NPM2: variants seen among roughly 807,000 people sequenced by gnomAD.
NPM2 encodes nucleophosmin/nucleoplasmin 2, also known as nucleoplasmin-2.
A neutral mutation model predicts 32.0 loss-of-function variants in NPM2; 25 were observed. That is an observed-to-expected ratio of 0.78 (90% CI 0.57 to 1.09). The LOEUF (loss-of-function observed/expected upper bound fraction) is 1.09, where lower values mean the gene tolerates loss of function less well. Among genes scored for constraint, NPM2 ranks in the 50% least tolerant of loss-of-function variants. The pLI is 0.00. For synonymous variants in NPM2, 111 were observed against 94.2 expected, an observed-to-expected ratio of 1.18 and a Z score of -1.04; for missense variants, 282 against 259.9, an observed-to-expected ratio of 1.08 and a Z score of -0.58.
chr8:22,033,988 A>C, intron 6 of NPM2, 121 bp from the exon 7 acceptor site: 2 of 1,441,218 alleles, frequency 1.4e-6, no homozygotes, highest in South Asian at 3.0e-5. Context: ...ACCACTGTCA[A>C]CTCCAGGCTA....
intron 2 of NPM2, 119 bp downstream of exon 2, chr8:22,024,949 C>A (rs1376479859): frequency 9.3e-6 from 4 of 429,040 alleles, no homozygotes; most frequent in African/African-American, 2.1e-5. Context: ...GACCTCCCCG[C>A]GGCCTTTCAA....
chr8:22,025,609 C>T (rs1223318770), intron 4 of NPM2, 38 bp from the exon 5 acceptor site: 2 of 1,614,112 alleles, frequency 1.2e-6, no homozygotes, highest in East Asian at 2.2e-5. Context: ...CGTCGGCCCT[C>T]AGGGTGATGA....
chr8:22,025,573 C>A (rs747300646), intron 4 of NPM2, 52 bp downstream of exon 4: 5 of 1,613,256 alleles, frequency 3.1e-6, no homozygotes, highest in Non-Finnish European at 3.4e-6. Flanking sequence ...ACTTTCTGGT[C>A]CCAACGGAGG....
chr8:22,033,983 T>C, intron 6 of NPM2, 126 bp from the exon 7 acceptor site: 1 of 1,423,988 alleles, frequency 7.0e-7, no homozygotes, highest in Non-Finnish European at 9.3e-7. Context: ...AGGTAACCAC[T>C]GTCAACTCCA....
chr8:22,025,266 C>T lies in NPM2; in HGVS notation c.18C>T (p.Ala6=), dbSNP rs1563350042. 1 of 1,611,686 alleles carries T rather than the reference C, an allele frequency of 6.2e-7. No individual in the cohort carries two copies. Residue 6 remains alanine (A), a synonymous_variant, in exon 3 of 10, where the codon GCC becomes GCT. Transcript: ENST00000518119. MNLSS[A]SSTEEKAVTT... is the part of the protein sequence containing the mutation. ...CCGGAGCCATGAATCTCAGTAGCGCCAGTAGCACGGAGGAAAAGGCAGTGA... is the reference window on the plus strand; with the variant it reads ...CCGGAGCCATGAATCTCAGTAGCGCTAGTAGCACGGAGGAAAAGGCAGTGA...
chr8:22,034,825 C>T (rs927146408), intron 8 of NPM2, among the ~76,000 whole-genome samples: 12 of 152,280 alleles, frequency 7.9e-5, no homozygotes, highest in African/African-American at 2.9e-4. Flanking sequence ...ATGCTTCTCA[C>T]GGCCAGGCTT....
rs1800643582 is a variant in NPM2 at position 22,036,864 on chromosome 8, AC to A, written c.*184del. On this transcript the variant is annotated 3_prime_UTR_variant, in exon 10 of 10. Coordinates refer to ENST00000518119, the MANE Select transcript of NPM2 (RefSeq NM_001286680.2). ...CAGGAGGCCCCCAGTGAAGAGCCCC[AC>A]CTCGGGGTCACAATAAAGTTGCCTG... 2 of 602,470 alleles carry A rather than the reference AC, an allele frequency of 3.3e-6. No individual in the cohort carries two copies. Among genetic ancestry groups the A allele is most frequent in the Admixed American group, 6.9e-5 (2 of 28,868 alleles). The allele number at this position is 602,470 out of a possible 1,614,324, so 37.3% of individuals were successfully genotyped here. A position where few individuals can be genotyped will look rare whatever the true frequency, so the allele number is the denominator to read the frequency against.
intron 3 of NPM2, 50 bp downstream of exon 3, chr8:22,025,356 C>A: frequency 6.3e-7 from 1 of 1,599,756 alleles, no homozygotes. Context: ...ACCTCCGGTG[C>A]GCGGCAGCTT....
At chr8:22,028,339 AGATT>A (rs1800323323) in intron 5 of NPM2, among the ~76,000 whole-genome samples, 1 of 140,464 alleles carries the variant, frequency 7.1e-6, no homozygotes, top group East Asian at 2.2e-4. Context: ...GCTGCCAAAA[AGATT>A]TTTTTTTTTT....
chr8:22,025,407 C>A (rs60185525), intron 3 of NPM2, 29 bp from the exon 4 acceptor site: 12 of 1,608,558 alleles, frequency 7.5e-6, no homozygotes, highest in Non-Finnish European at 1.0e-5. Flanking sequence ...GAATGGAGGG[C>A]CCCACTTCCC....
chr8:22,034,672 C>G, intron 8 of NPM2, 128 bp downstream of exon 8: 1 of 743,370 alleles, frequency 1.3e-6, no homozygotes, highest in Non-Finnish European at 2.3e-6. Flanking sequence ...CACTCGCAGG[C>G]ACATGGGTAT....
In NPM2 at chr8:22,034,262, C is replaced by A; in HGVS notation, c.518C>A (p.Ala173Glu). 5 of 1,593,862 alleles carry A rather than the reference C, an allele frequency of 3.1e-6. No individual in the cohort carries two copies. Among genetic ancestry groups the A allele is most frequent in the South Asian group, 1.2e-5 (1 of 86,752 alleles). Residue 173 changes from alanine (A) to glutamate (E), a missense_variant, in exon 7 of 10, where the codon GCG becomes GAG. Ala to Glu is a moderately radical substitution (Grantham distance 107). Transcript: ENST00000518119. ...QVKRLVPQKQ[A>E]SVAKKKKLEK... ...AAAAGGCTGGTGCCCCAGAAGCAGG[C>A]GAGCGTGGCTAAGGTGGGGGAAGGA...
At chr8:22,030,913 C>G (rs1800417849) in intron 5 of NPM2, among the ~76,000 whole-genome samples, 1 of 152,162 alleles carries the variant, frequency 6.6e-6, no homozygotes, top group Non-Finnish European at 1.5e-5. Flanking sequence ...CACTTGATTT[C>G]TTTCTGTTGA....
Position 22,025,458 on chromosome 8 carries a change from G to A in NPM2, c.81G>A (p.Arg27=), listed in dbSNP as rs888776554. Residue 27 remains arginine (R), a synonymous_variant, in exon 4 of 10, where the codon AGG becomes AGA. Coordinates refer to ENST00000518119, the MANE Select transcript of NPM2 (RefSeq NM_001286680.2). The part of the protein sequence containing the change: ...VLWGCELSQE[R]RTWTFRPQLE... ...CAGGCTGCGAGCTCAGTCAGGAGAG[G>A]CGGACTTGGACCTTCAGACCCCAGC... 3.1e-6 allele frequency: 5 copies of A among 1,614,012 alleles called. No homozygotes were observed. The African/African-American group carries it at 4.0e-5, about 13-fold the overall frequency.
rs1363129952 is a variant in NPM2 at position 22,036,659 on chromosome 8, A to G, written c.622A>G (p.Lys208Glu). ...VKKAKATARA[K>E]KPGFKK ...ACAGGCCAAAGCCACAGCCAGAGCC[A>G]AGAAGCCAGGATTCAAGAAATGAGG... The change falls in exon 10 of 10, where the codon AAG (lysine) becomes GAG (glutamate). Residue 208 changes from lysine to glutamate, a missense_variant. Transcript: ENST00000518119. 1.9e-6 allele frequency: 3 copies of G among 1,549,290 alleles called. No homozygotes were observed. The African/African-American group carries it at 4.1e-5, about 21-fold the overall frequency.
Position 22,025,471 on chromosome 8 carries a change from T to A in NPM2, c.94T>A (p.Phe32Ile). ...ELSQERRTWTFRPQLEGKQSC... is the reference protein window; with the variant it reads ...ELSQERRTWTIRPQLEGKQSC... ...CAGTCAGGAGAGGCGGACTTGGACC[T>A]TCAGACCCCAGCTGGAGGGGAAGCA... Residue 32 changes from phenylalanine (F) to isoleucine (I), a missense_variant, in exon 4 of 10, where the codon TTC becomes ATC. Physicochemically the swap from Phe to Ile is conservative, Grantham distance 21 (BLOSUM62 0). Coordinates refer to ENST00000518119, the MANE Select transcript of NPM2 (RefSeq NM_001286680.2). 4 of 1,614,142 alleles carry A rather than the reference T, an allele frequency of 2.5e-6. No individual in the cohort carries two copies. Among genetic ancestry groups the A allele is most frequent in the Non-Finnish European group, 3.4e-6 (4 of 1,180,026 alleles).
At chr8:22,036,221 C>G in intron 8 of NPM2, 1 of 419,822 alleles carries the variant, frequency 2.4e-6, no homozygotes, top group Non-Finnish European at 4.3e-6. Flanking sequence ...TGCACTCCAG[C>G]CTGGGCAACA....
chr8:22,027,428 T>C (rs1250320664), intron 5 of NPM2, among the ~76,000 whole-genome samples: 2 of 152,218 alleles, frequency 1.3e-5, no homozygotes, highest in Admixed American at 6.5e-5. Flanking sequence ...TCAACCTCTC[T>C]TGAGCTCCAA....
chr8:22,028,719 G>T (rs1038209560), intron 5 of NPM2, among the ~76,000 whole-genome samples: 3 of 152,128 alleles, frequency 2.0e-5, no homozygotes, highest in African/African-American at 7.2e-5. Context: ...AATAAGAGCC[G>T]AGAGTGTATT....
Sources: gnomAD v4.1 joint callset for allele counts (sites outside exome capture counted in the v4.1 genomes callset) on GRCh38, gnomAD v4.1.1 for gene constraint, MANE v1.5 for transcripts, NCBI Gene and HGNC (gene_info 2026-07-23, HGNC 2026-07-21) for gene names.